The following ACTR3C variants were observed in gnomAD, a reference collection of about 807,000 sequenced individuals.
ACTR3C encodes the protein actin related protein 3C.
A neutral mutation model predicts 26.3 loss-of-function variants in ACTR3C; 18 were observed. The observed-to-expected ratio is 0.68, with a 90% CI of 0.47 to 1.01. The LOEUF is 1.01. ACTR3C is among the 50% of genes least tolerant of loss of function. The pLI, the probability that ACTR3C is intolerant of heterozygous loss-of-function variation, is 0.00. For synonymous variants in ACTR3C, 55 were observed against 94.5 expected (o/e 0.58, Z 2.42); for missense variants, 184 against 250.7 (o/e 0.73, Z 1.80).
At chr7:150,307,092 C>A (rs1314766676) in intron 1 of ACTR3C, among the ~76,000 whole-genome samples, 3 of 152,236 alleles carry the variant, frequency 2.0e-5, no homozygotes, top group Non-Finnish European at 4.4e-5. Flanking sequence ...AAGATTTATT[C>A]TGAGCCAAGT....
At chr7:150,231,558 T>C in the ACTR3C span, among the ~76,000 whole-genome samples, 1 of 150,528 alleles carries the variant, frequency 6.6e-6, no homozygotes, top group Non-Finnish European at 1.5e-5. Context: ...GCATCTCGTA[T>C]AGCCTATAGA....
chr7:149,956,156 A>T, the ACTR3C span, among the ~76,000 whole-genome samples: 15 of 152,224 alleles, frequency 9.9e-5, no homozygotes, highest in East Asian at 9.6e-4. Flanking sequence ...TCTTAAAAAA[A>T]TTTTTGAGTG....
chr7:150,057,093 T>C, the ACTR3C span, among the ~76,000 whole-genome samples: 2,126 of 151,934 alleles, frequency 0.014, 38 homozygotes, highest in African/African-American at 0.048. Context: ...ACTATCTTCC[T>C]TGAGTAGGCA....
the ACTR3C span, among the ~76,000 whole-genome samples, chr7:150,179,260 C>G: frequency 1.3e-4 from 18 of 143,232 alleles, no homozygotes; most frequent in Non-Finnish European, 2.4e-4. Flanking sequence ...GATTTATTGC[C>G]TTGAGTCTAG....
At chr7:149,945,122 T>C in the ACTR3C span, among the ~76,000 whole-genome samples, 3 of 151,722 alleles carry the variant, frequency 2.0e-5, no homozygotes, top group Admixed American at 6.6e-5. Flanking sequence ...GTGGGGATTA[T>C]TGGGGAGCAT....
chr7:150,117,453 A>C, the ACTR3C span, among the ~76,000 whole-genome samples: 1 of 152,198 alleles, frequency 6.6e-6, no homozygotes, highest in Non-Finnish European at 1.5e-5. Context: ...TCACAGTGTA[A>C]ACAAAGCCAC....
chr7:150,037,176 G>C, the ACTR3C span, among the ~76,000 whole-genome samples: 213 of 17,298 alleles, frequency 0.012, 9 homozygotes, highest in African/African-American at 0.041. Flanking sequence ...GATGGGGGTA[G>C]TAACAGCCAG....
the ACTR3C span, among the ~76,000 whole-genome samples, chr7:150,056,497 T>C: frequency 6.6e-6 from 1 of 152,238 alleles, no homozygotes; most frequent in African/African-American, 2.4e-5. Context: ...CAAATCATAA[T>C]AATTTGGTAA....
At chr7:150,060,272 TC>T in the ACTR3C span, among the ~76,000 whole-genome samples, 1 of 151,400 alleles carries the variant, frequency 6.6e-6, no homozygotes, top group Non-Finnish European at 1.5e-5. Context: ...AGAAACAGCC[TC>T]ATGAAGCGTG....
rs923762295 is a variant in ACTR3C, at chr7:150,274,618, C to T, written c.564+10135G>A. On this transcript the variant is annotated intron_variant, in intron 6 of 7. Transcript: ENST00000683684. The surrounding 1 kb of genome is among the most constrained non-coding windows in gnomAD (Gnocchi z 4.1). ...AGGGTGACCTAATAATTCCATGAGA[C>T]GCTTACGCCTGGCCCATCCTGCACC... 2.0e-5 allele frequency among the ~76,000 whole-genome samples: 3 copies of T among 152,168 alleles called. No individual in the cohort carries two copies. Among genetic ancestry groups the T allele is most frequent in the African/African-American group, 4.8e-5 (2 of 41,434 alleles).
At chr7:150,216,978 C>T in the ACTR3C span, among the ~76,000 whole-genome samples, 2 of 118,064 alleles carry the variant, frequency 1.7e-5, no homozygotes. Flanking sequence ...GAGCGAGACT[C>T]GGTCTCAAAA....
At position 150,266,753 on chromosome 7, in the gene ACTR3C, G is replaced by A. The variant is rs1423159447; in HGVS notation, c.565-17699C>T. Among the ~76,000 whole-genome samples, 3 of 152,088 alleles carry A rather than the reference G, an allele frequency of 2.0e-5. No homozygotes were observed. The East Asian group carries it at 5.8e-4, about 29-fold the overall frequency. On this transcript the variant is annotated intron_variant, in intron 6 of 7. Coordinates refer to ENST00000683684, the MANE Select transcript of ACTR3C (RefSeq NM_001164458.2). Reference sequence around the variant, plus strand: ...CTCAATAAACAAATCAATGAAAAATGGGCAAAAGATTCAAATGGACATTTC... The same window carrying A: ...CTCAATAAACAAATCAATGAAAAATAGGCAAAAGATTCAAATGGACATTTC...
At chr7:150,245,419 A>G (rs1237013204), downstream of ACTR3C, 2 of 152,166 alleles carry the variant, frequency 1.3e-5, no homozygotes, top group African/African-American at 4.8e-5. Context: ...GCCTGTCTCC[A>G]CTTTGCTGCT....
chr7:150,201,192 G>T, the ACTR3C span, among the ~76,000 whole-genome samples: 1 of 152,144 alleles, frequency 6.6e-6, no homozygotes, highest in Admixed American at 6.5e-5. Context: ...AAGACCTCAT[G>T]CTTGTCTCAA....
At chr7:150,158,254 G>C in the ACTR3C span, among the ~76,000 whole-genome samples, 1 of 152,048 alleles carries the variant, frequency 6.6e-6, no homozygotes, top group Admixed American at 6.5e-5. Flanking sequence ...ACGGCAAATT[G>C]TTATAGTCAT....
the ACTR3C span, among the ~76,000 whole-genome samples, chr7:149,944,108 T>A: frequency 1.4e-5 from 2 of 145,860 alleles, no homozygotes; most frequent in Admixed American, 6.7e-5. Context: ...TGTGTGCTGC[T>A]TACTGGATTT....
At chr7:150,186,492 A>G in the ACTR3C span, among the ~76,000 whole-genome samples, 1 of 152,198 alleles carries the variant, frequency 6.6e-6, no homozygotes, top group Admixed American at 6.5e-5. Context: ...ACCAGAAGGT[A>G]GAATTAATCA....
At chr7:150,177,417 C>T in the ACTR3C span, among the ~76,000 whole-genome samples, 70 of 150,712 alleles carry the variant, frequency 4.6e-4, 4 homozygotes, top group African/African-American at 1.7e-3. Context: ...AATGAATGTA[C>T]ACCAGTCCTT....
At chr7:150,012,557 C>T in the ACTR3C span, among the ~76,000 whole-genome samples, 3 of 150,624 alleles carry the variant, frequency 2.0e-5, no homozygotes, top group East Asian at 4.0e-4. Flanking sequence ...CCTCATGATC[C>T]TCCCGCCTCG....
Sources: allele counts gnomAD v4.1 joint callset (sites outside exome capture counted in the v4.1 genomes callset), GRCh38; gene constraint gnomAD v4.1.1; non-coding constraint Gnocchi (gnomAD v3.1); transcripts MANE v1.5; gene names NCBI Gene and HGNC (gene_info 2026-07-23, HGNC 2026-07-21).